The following NCOA5 variants were observed in gnomAD, a reference collection of about 807,000 sequenced individuals.
NCOA5 encodes nuclear receptor coactivator 5.
A neutral mutation model predicts 59.0 loss-of-function variants in NCOA5; 12 were observed. The ratio of observed to expected loss-of-function variants is 0.20; its 90% CI spans 0.13 to 0.33. The LOEUF is 0.33. NCOA5 is among the 10% of genes least tolerant of loss of function. The probability of loss-of-function intolerance (pLI) is 1.00; values close to 1 mark genes in which losing one functional copy is unlikely to be tolerated. For synonymous variants in NCOA5, 270 were observed against 275.5 expected (o/e 0.98, Z 0.20); for missense variants, 655 against 766.6 (o/e 0.85, Z 1.72).
intron 4 of NCOA5, among the ~76,000 whole-genome samples, chr20:46,067,577 G>A (rs113256095): frequency 7.3e-5 from 11 of 150,730 alleles, no homozygotes; most frequent in Admixed American, 5.3e-4. Flanking sequence ...TTTTTTTGGG[G>A]AAAAAATCAA....
At chr20:46,080,096 T>C (rs957137237) in intron 1 of NCOA5, among the ~76,000 whole-genome samples, 5 of 151,784 alleles carry the variant, frequency 3.3e-5, no homozygotes, top group African/African-American at 1.2e-4. Flanking sequence ...GACTGGCGTT[T>C]GGTATAGTAG....
At chr20:46,078,645 G>A (rs1010715358) in intron 2 of NCOA5, among the ~76,000 whole-genome samples, 1 of 152,170 alleles carries the variant, frequency 6.6e-6, no homozygotes, top group Non-Finnish European at 1.5e-5. Context: ...CTTGTGTGCT[G>A]TTATGGGGCC....
At chr20:46,079,282 G>C (rs1034339809) in intron 2 of NCOA5, 105 bp downstream of exon 2, 3 of 1,064,162 alleles carry the variant, frequency 2.8e-6, no homozygotes, top group Non-Finnish European at 4.4e-6. Context: ...TTGCTTGAGC[G>C]TTTCACTTGT....
At chr20:46,081,487 C>T (rs1346693957) in intron 1 of NCOA5, among the ~76,000 whole-genome samples, 1 of 152,012 alleles carries the variant, frequency 6.6e-6, no homozygotes, top group Non-Finnish European at 1.5e-5. Flanking sequence ...CTGGTGGAAT[C>T]GTTTTGTAAT....
chr20:46,077,147 T>G (rs540151622), intron 2 of NCOA5, among the ~76,000 whole-genome samples: 1 of 152,276 alleles, frequency 6.6e-6, no homozygotes, highest in South Asian at 2.1e-4. Flanking sequence ...TGAGCTCAAG[T>G]GATCCGCCCA....
intron 2 of NCOA5, among the ~76,000 whole-genome samples, chr20:46,075,753 G>C (rs563101285): frequency 6.6e-6 from 1 of 152,312 alleles, no homozygotes; most frequent in Admixed American, 6.5e-5. Context: ...TCCTGTCTTT[G>C]AAGAAGGACT....
rs916710520 is a variant in NCOA5 at position 46,061,345 on chromosome 20, G to C, written c.*955C>G. The C allele has an allele frequency of 6.6e-6, 1 of 152,602 alleles. No individual in the cohort carries two copies. Among genetic ancestry groups the C allele is most frequent in the Non-Finnish European group, 1.5e-5 (1 of 68,066 alleles). 9.5% of individuals were successfully genotyped at this position (152,602 alleles called of 1,614,324 possible). A position where few individuals can be genotyped will look rare whatever the true frequency, so the allele number is the denominator to read the frequency against. On this transcript the variant is annotated 3_prime_UTR_variant, in exon 8 of 8. Transcript: ENST00000290231. ...AAAGTCGCGAACAGCCACCCATCTC[G>C]AGAACATGTCCAGCTACCAGAAGTC...
chr20:46,089,432 C>A (rs1222767126), intron 1 of NCOA5, among the ~76,000 whole-genome samples: 1 of 152,252 alleles, frequency 6.6e-6, no homozygotes, highest in Non-Finnish European at 1.5e-5. Context: ...GCCACTGACT[C>A]GCTGAGGACC....
intron 1 of NCOA5, among the ~76,000 whole-genome samples, chr20:46,087,757 C>T (rs770763206): frequency 6.6e-6 from 1 of 152,128 alleles, no homozygotes; most frequent in Non-Finnish European, 1.5e-5. Flanking sequence ...AAAACAAAAA[C>T]AAAACCAAAA....
chr20:46,070,202 G>C lies in NCOA5; in HGVS notation c.365+8C>G. The C allele has an allele frequency of 6.3e-7, 1 of 1,594,752 alleles. No homozygotes were observed. The highest frequency in any genetic ancestry group is 8.6e-7 in the Non-Finnish European group (1 of 1,163,296). ...AGGAAAAAACAAGCAGAGTAACTAC[G>C]TATGTACCTGTACATAGGATCTCGG... On this transcript the variant is annotated splice_region_variant and intron_variant, in intron 3 of 7. Coordinates refer to ENST00000290231, the MANE Select transcript of NCOA5 (RefSeq NM_020967.3).
In NCOA5 at chr20:46,065,191, G is replaced by A. The variant is rs373151968; in HGVS notation, c.667C>T (p.Leu223=). Residue 223 remains leucine (L), a synonymous_variant, in exon 6 of 8, where the codon CTG becomes TTG. Coordinates refer to ENST00000290231, the MANE Select transcript of NCOA5 (RefSeq NM_020967.3). ...AAGATCAAGTCCACTACCATGCCCA[G>A]GTCTCGCACCTTCCGCCCCACAGAC... ...AESVGRKVRD[L]GMVVDLIFLN... The A allele has an allele frequency of 2.5e-5, 40 of 1,614,120 alleles. No homozygotes were observed. The highest frequency in any genetic ancestry group is 3.3e-5 in the Non-Finnish European group (39 of 1,180,026).
At chr20:46,078,108 C>T (rs890951988) in intron 2 of NCOA5, among the ~76,000 whole-genome samples, 1 of 152,194 alleles carries the variant, frequency 6.6e-6, no homozygotes, top group African/African-American at 2.4e-5. Context: ...ATAGCTGTAG[C>T]TATGGTATTG....
intron 1 of NCOA5, among the ~76,000 whole-genome samples, chr20:46,079,985 T>C (rs1481351713): frequency 6.6e-6 from 1 of 152,190 alleles, no homozygotes; most frequent in African/African-American, 2.4e-5. Flanking sequence ...TTCCACTGGA[T>C]AGAATCTTCC....
chr20:46,061,125 T>C lies in NCOA5; in HGVS notation c.*1175A>G, dbSNP rs547439174. 4 of 152,274 alleles carry C rather than the reference T, an allele frequency of 2.6e-5. No individual in the cohort carries two copies. Among genetic ancestry groups the C allele is most frequent in the African/African-American group, 9.6e-5 (4 of 41,518 alleles). 9.4% of individuals were successfully genotyped at this position (152,274 alleles called of 1,614,324 possible). A position where few individuals can be genotyped will look rare whatever the true frequency, so the allele number is the denominator to read the frequency against. On this transcript the variant is annotated 3_prime_UTR_variant, in exon 8 of 8. Coordinates refer to ENST00000290231, the MANE Select transcript of NCOA5 (RefSeq NM_020967.3). ...GCTGCCATTTGGGGACCTTGAATTT[T>C]GAAACCATTGTTTGCTTAACCACTG...
At chr20:46,089,572 T>C (rs1375432183) in intron 1 of NCOA5, among the ~76,000 whole-genome samples, 2 of 152,082 alleles carry the variant, frequency 1.3e-5, no homozygotes, top group Non-Finnish European at 2.9e-5. Context: ...GCCGCCGACC[T>C]GCGTCCACCA....
chr20:46,075,210 T>C (rs900865075), intron 2 of NCOA5, among the ~76,000 whole-genome samples: 4 of 152,110 alleles, frequency 2.6e-5, no homozygotes, highest in African/African-American at 4.8e-5. Flanking sequence ...ATTTTACACA[T>C]GTCCATGCTT....
intron 3 of NCOA5, 46 bp downstream of exon 3, chr20:46,070,164 A>G (rs370609832): frequency 6.7e-7 from 1 of 1,492,812 alleles, no homozygotes; most frequent in African/African-American, 1.4e-5. Flanking sequence ...CAGAACATAC[A>G]TAAAAAGAAC....
At chr20:46,087,739 T>C (rs1250532689) in intron 1 of NCOA5, among the ~76,000 whole-genome samples, 1 of 152,194 alleles carries the variant, frequency 6.6e-6, no homozygotes, top group Non-Finnish European at 1.5e-5. Context: ...TGAAGCTCTG[T>C]CTCAGAAAAA....
intron 2 of NCOA5, among the ~76,000 whole-genome samples, chr20:46,077,677 G>GA (rs370523030): frequency 1.3e-5 from 2 of 152,186 alleles, no homozygotes; most frequent in African/African-American, 4.8e-5. Flanking sequence ...AAGTCACCAG[G>GA]AAACACACAC....
Sources: gnomAD v4.1 joint callset for allele counts (sites outside exome capture counted in the v4.1 genomes callset) on GRCh38, gnomAD v4.1.1 for gene constraint, MANE v1.5 for transcripts, NCBI Gene and HGNC (gene_info 2026-07-23, HGNC 2026-07-21) for gene names.